The following IL4R variants were observed in gnomAD, a reference collection of about 807,000 sequenced individuals.
IL4R encodes the protein interleukin-4 receptor subunit alpha.
Under a neutral mutation model 41.5 loss-of-function variants are expected in IL4R, and 17 were observed. That is an observed-to-expected ratio of 0.41 (90% CI 0.28 to 0.61). The LOEUF (loss-of-function observed/expected upper bound fraction) is 0.61, where lower values mean the gene tolerates loss of function less well. IL4R is among the 20% of genes least tolerant of loss of function. IL4R has a pLI of 0.31. For missense variants in IL4R, 974 were observed against 1,043.1 expected (o/e 0.93, Z 0.91); for synonymous variants, 402 against 422.9 (o/e 0.95, Z 0.61).
chr16:27,344,804 G>T, intron 4 of IL4R, 65 bp from the exon 5 acceptor site: 1 of 1,531,126 alleles, frequency 6.5e-7, no homozygotes. Flanking sequence ...GGCATGTCCC[G>T]GACACAGCTG....
rs199688429 is a variant in IL4R at position 27,340,282 on chromosome 16, C to A, written c.70+9C>A. The A allele has an allele frequency of 6.2e-7, 1 of 1,609,272 alleles. No individual in the cohort carries two copies. The highest frequency in any genetic ancestry group is 1.7e-5 in the Admixed American group (1 of 60,004). ...GCAGGTGGCAAGCTCTGGTAAGTCACCACTTCTCAATCATTCATTTGTTGG... is the reference window on the plus strand; with the variant it reads ...GCAGGTGGCAAGCTCTGGTAAGTCAACACTTCTCAATCATTCATTTGTTGG... On this transcript the variant is annotated intron_variant, in intron 3 of 10. Coordinates refer to ENST00000395762, the MANE Select transcript of IL4R (RefSeq NM_000418.4).
chr16:27,363,080 G>A lies in IL4R; in HGVS notation c.1728G>A (p.Gln576=), dbSNP rs2086361780. Residue 576 remains glutamine (Q), a synonymous_variant, in exon 11 of 11, where the codon CAG becomes CAA. Coordinates refer to ENST00000395762, the MANE Select transcript of IL4R (RefSeq NM_000418.4). ...TCTCGGCCCCCACCAGTGGCTATCA[G>A]GAGTTTGTACATGCGGTGGAGCAGG... The part of the protein sequence containing the change: ...APVSAPTSGY[Q]EFVHAVEQGG... The A allele has an allele frequency of 6.2e-7, 1 of 1,614,136 alleles. No individual in the cohort carries two copies. The highest frequency in any genetic ancestry group is 1.3e-5 in the African/African-American group (1 of 75,064).
At chr16:27,352,841 G>T (rs1214099653) in intron 7 of IL4R, 145 bp downstream of exon 7, 1 of 772,298 alleles carries the variant, frequency 1.3e-6, no homozygotes, top group Non-Finnish European at 2.1e-6. Flanking sequence ...ACCTGCCGTG[G>T]TGTATCTGCC....
At chr16:27,348,869 G>T (rs964092588) in intron 6 of IL4R, among the ~76,000 whole-genome samples, 3 of 152,200 alleles carry the variant, frequency 2.0e-5, no homozygotes, top group African/African-American at 4.8e-5. Context: ...AAGCAGGACT[G>T]TGCTGGCTAA....
intron 6 of IL4R, among the ~76,000 whole-genome samples, chr16:27,347,368 T>C (rs1224909963): frequency 6.6e-6 from 1 of 152,072 alleles, no homozygotes; most frequent in African/African-American, 2.4e-5. Flanking sequence ...TTTTTGTATA[T>C]TTAGTAGAGA....
At chr16:27,322,547 C>G (rs2084844898) in intron 1 of IL4R, among the ~76,000 whole-genome samples, 1 of 151,992 alleles carries the variant, frequency 6.6e-6, no homozygotes, top group African/African-American at 2.4e-5. Context: ...CCCATCTCTA[C>G]CAAAAACTAA....
chr16:27,358,986 G>A lies in IL4R; in HGVS notation c.841G>A (p.Asp281Asn). Residue 281 changes from aspartate to asparagine, a missense_variant, in exon 9 of 11, where the codon GAT (aspartate) becomes AAT (asparagine). Asp to Asn is a conservative substitution (Grantham distance 23). This residue lies in a region of IL4R where 682 missense variants were observed against 704.3 expected (regional missense o/e 0.97). Transcript: ENST00000395762. Reference sequence around the variant, plus strand: ...CCGCCTCGTGGCTATAATAATCCAGGATGCTCAGGTAGGAGTAGGCGTGGA... The same window carrying A: ...CCGCCTCGTGGCTATAATAATCCAGAATGCTCAGGTAGGAGTAGGCGTGGA... ...RSRLVAIIIQ[D>N]AQGSQWEKRS... 4 of 1,613,448 alleles carry A rather than the reference G, an allele frequency of 2.5e-6. No individual in the cohort carries two copies. The highest frequency in any genetic ancestry group is 3.4e-6 in the Non-Finnish European group (4 of 1,179,382).
At chr16:27,361,225 A>G (rs1346214611) in intron 10 of IL4R, among the ~76,000 whole-genome samples, 1 of 151,886 alleles carries the variant, frequency 6.6e-6, no homozygotes, top group Non-Finnish European at 1.5e-5. Flanking sequence ...TGCACCTTCA[A>G]ACTCCTGAGC....
chr16:27,363,536 T>G lies in IL4R; in HGVS notation c.2184T>G (p.His728Gln). The change falls in exon 11 of 11, where the codon CAT becomes CAG. Residue 728 changes from histidine (H) to glutamine (Q), a missense_variant. Physicochemically the swap from His to Gln is conservative, Grantham distance 24. Around this residue, in one of 3 missense-constraint regions of IL4R, gnomAD observed 682 missense variants for 704.3 expected, o/e 0.97. Coordinates refer to ENST00000395762, the MANE Select transcript of IL4R (RefSeq NM_000418.4). ...TGTGCGGCCACCTGAAACAGTGTCA[T>G]GGCCAGGAGGATGGTGGCCAGACCC... is the stretch of plus-strand genomic sequence containing the variant. The part of the protein sequence containing the change: ...CHLCGHLKQC[H>Q]GQEDGGQTPV... 1 of 1,614,182 alleles carries G rather than the reference T, an allele frequency of 6.2e-7. No individual in the cohort carries two copies. Among genetic ancestry groups the G allele is most frequent in the East Asian group, 2.2e-5 (1 of 44,876 alleles).
intron 7 of IL4R, chr16:27,354,976 A>G (rs1240625274): frequency 4.3e-6 from 2 of 463,364 alleles, no homozygotes; most frequent in Admixed American, 4.7e-5. Context: ...ACTAGCTTGT[A>G]TGAAACAGAT....
At chr16:27,355,499 G>A in intron 7 of IL4R, 1 of 367,528 alleles carries the variant, frequency 2.7e-6, no homozygotes. Context: ...GTGTCACACA[G>A]CAAGGAGCCA....
At chr16:27,338,750 G>A (rs2085341269) in intron 2 of IL4R, among the ~76,000 whole-genome samples, 1 of 152,102 alleles carries the variant, frequency 6.6e-6, no homozygotes, top group African/African-American at 2.4e-5. Context: ...ACAGCAGCAT[G>A]GCATCGTCCG....
At chr16:27,354,256 G>A (rs1359077989) in intron 7 of IL4R, 1 of 152,212 alleles carries the variant, frequency 6.6e-6, no homozygotes, top group East Asian at 1.9e-4. Context: ...CAGCAGCCAA[G>A]TGATATCTCT....
At chr16:27,344,756 T>A (rs1431841452) in intron 4 of IL4R, 113 bp from the exon 5 acceptor site, 1 of 1,120,762 alleles carries the variant, frequency 8.9e-7, no homozygotes, top group Non-Finnish European at 1.3e-6. Context: ...CTCACATCCG[T>A]GATCGGGAAG....
At chr16:27,360,363 C>T (rs1596540745) in intron 9 of IL4R, among the ~76,000 whole-genome samples, 1 of 152,202 alleles carries the variant, frequency 6.6e-6, no homozygotes, top group Admixed American at 6.5e-5. Context: ...AGCCATGTGC[C>T]TCTCACTCTC....
intron 4 of IL4R, among the ~76,000 whole-genome samples, chr16:27,343,566 A>C (rs2085513767): frequency 6.6e-6 from 1 of 152,104 alleles, no homozygotes; most frequent in Non-Finnish European, 1.5e-5. Flanking sequence ...AGTTGGGATT[A>C]ATGGTGCCTG....
intron 8 of IL4R, among the ~76,000 whole-genome samples, chr16:27,356,491 A>G (rs1200278658): frequency 6.6e-6 from 1 of 152,196 alleles, no homozygotes; most frequent in Non-Finnish European, 1.5e-5. Context: ...CTCTGAATGC[A>G]CTAGACCAGG....
intron 2 of IL4R, among the ~76,000 whole-genome samples, chr16:27,332,314 T>G (rs2085133342): frequency 6.6e-6 from 1 of 152,044 alleles, no homozygotes; most frequent in Admixed American, 6.6e-5. Flanking sequence ...CTTTTTCACA[T>G]GACGTCAGGA....
At chr16:27,328,976 T>C (rs1395107489) in intron 1 of IL4R, among the ~76,000 whole-genome samples, 1 of 152,168 alleles carries the variant, frequency 6.6e-6, no homozygotes, top group Non-Finnish European at 1.5e-5. Flanking sequence ...TGGGATGTCA[T>C]CCTCTCTAAA....
Sources: gnomAD v4.1 joint callset for allele counts (sites outside exome capture counted in the v4.1 genomes callset) on GRCh38, gnomAD v4.1.1 for gene constraint, gnomAD v4.1.1 regional missense constraint, MANE v1.5 for transcripts, NCBI Gene and HGNC (gene_info 2026-07-23, HGNC 2026-07-21) for gene names.